Variants in H4C15 observed in about 807,000 individuals in gnomAD.
The protein encoded by H4C15 is histone H4.
the H4C15 span, chr1:149,846,530 T>C: frequency 1.3e-5 from 2 of 152,232 alleles, no homozygotes; most frequent in African/African-American, 4.8e-5. Flanking sequence ...CCCATTTTTT[T>C]ATTTTGAAAA....
At chr1:149,855,454 G>A (rs1417367807), downstream of H4C15, among the ~76,000 whole-genome samples, 16 of 133,006 alleles carry the variant, frequency 1.2e-4, no homozygotes, top group Non-Finnish European at 2.3e-4. Flanking sequence ...TAAGAGACAT[G>A]GCCACGTTTA....
At chr1:149,845,148 A>C in the H4C15 span, 4 of 152,366 alleles carry the variant, frequency 2.6e-5, no homozygotes, top group South Asian at 2.1e-4. Context: ...ATTACCTGTC[A>C]ATCGCTACTT....
the H4C15 span, chr1:149,845,162 C>T: frequency 6.6e-6 from 1 of 152,156 alleles, no homozygotes; most frequent in African/African-American, 2.4e-5. Context: ...GCTACTTTTC[C>T]TTTCTTACCA....
At chr1:149,858,649 AAGGGAGGGAGGG>A (rs1237422827), downstream of H4C15, among the ~76,000 whole-genome samples, 122 of 82,450 alleles carry the variant, frequency 1.5e-3, 2 homozygotes, top group South Asian at 6.3e-3. Flanking sequence ...GGAAGGAAGG[AAGGGAGGGAGGG>A]AGGGAGGGAG....
chr1:149,844,945 G>A, the H4C15 span: 1 of 152,198 alleles, frequency 6.6e-6, no homozygotes, highest in African/African-American at 2.4e-5. Flanking sequence ...GGGTGAGACA[G>A]AAAGACAACA....
At chr1:149,850,123 C>T (rs1264694436), downstream of H4C15, 10 of 518,000 alleles carry the variant, frequency 1.9e-5, no homozygotes, top group African/African-American at 1.9e-4. Context: ...CCTATCTATG[C>T]CATAGTAAGA....
chr1:149,845,632 A>G, the H4C15 span: 4 of 152,286 alleles, frequency 2.6e-5, no homozygotes, highest in African/African-American at 9.6e-5. Flanking sequence ...AAAGTTTTAC[A>G]GAGATCACGG....
chr1:149,845,136 A>C, the H4C15 span: 11 of 152,352 alleles, frequency 7.2e-5, no homozygotes, highest in African/African-American at 2.6e-4. Flanking sequence ...TAATGTAATT[A>C]TATTACCTGT....
downstream of H4C15, among the ~76,000 whole-genome samples, chr1:149,849,831 C>A (rs2092165287): frequency 2.0e-5 from 3 of 152,156 alleles, no homozygotes; most frequent in African/African-American, 7.2e-5. Flanking sequence ...TGTTTGTGAA[C>A]CAATGATATA....
At chr1:149,849,464 T>C (rs1447615082), downstream of H4C15, among the ~76,000 whole-genome samples, 5 of 152,270 alleles carry the variant, frequency 3.3e-5, no homozygotes, top group African/African-American at 4.8e-5. Flanking sequence ...GAGCAATCAG[T>C]ATAATATTTT....
the H4C15 span, chr1:149,845,674 TAA>T: frequency 6.6e-6 from 1 of 152,148 alleles, no homozygotes; most frequent in East Asian, 1.9e-4. Flanking sequence ...TGTAGGCCAT[TAA>T]GGAGCATCAC....
At chr1:149,845,266 CCACTG>C in the H4C15 span, 4 of 152,152 alleles carry the variant, frequency 2.6e-5, no homozygotes, top group African/African-American at 4.8e-5. Flanking sequence ...AGAAAAGAAA[CCACTG>C]CACATTCGGA....
At chr1:149,858,636 AAAGG>A (rs1295537457), downstream of H4C15, among the ~76,000 whole-genome samples, 567 of 83,924 alleles carry the variant, frequency 6.8e-3, 9 homozygotes, top group East Asian at 0.052. Context: ...GGGAAGGAAG[AAAGG>A]AAGGAAGGAA....
At chr1:149,845,212 C>T in the H4C15 span, 1 of 152,142 alleles carries the variant, frequency 6.6e-6, no homozygotes, top group Non-Finnish European at 1.5e-5. Flanking sequence ...CATTCAGGCT[C>T]CATTATGTGT....
At chr1:149,850,497 G>A (rs1553757668), downstream of H4C15, 4 of 826,444 alleles carry the variant, frequency 4.8e-6, no homozygotes, top group African/African-American at 1.8e-5. Flanking sequence ...CTGGATCTCC[G>A]GGACGTGATG....
chr1:149,849,720 T>C (rs1387876186), downstream of H4C15, among the ~76,000 whole-genome samples: 2 of 152,222 alleles, frequency 1.3e-5, no homozygotes, highest in African/African-American at 4.8e-5. Context: ...GTATCTCAAC[T>C]AGAAAGCGCA....
chr1:149,845,722 A>G, the H4C15 span: 1 of 152,262 alleles, frequency 6.6e-6, no homozygotes, highest in South Asian at 2.1e-4. Context: ...TAAATGAGAT[A>G]GAGTGCTCTT....
chr1:149,850,379 G>A (rs1227982779), downstream of H4C15: 4 of 733,612 alleles, frequency 5.5e-6, no homozygotes, highest in Non-Finnish European at 9.9e-6. Flanking sequence ...GCGAGCGCCA[G>A]GTCCCGGCAG....
the H4C15 span, chr1:149,846,778 T>C: frequency 6.6e-6 from 1 of 152,240 alleles, no homozygotes; most frequent in Admixed American, 6.5e-5. Context: ...ATCACATTAT[T>C]ACACCTAACA....
Sources: allele counts gnomAD v4.1 joint callset (sites outside exome capture counted in the v4.1 genomes callset), GRCh38; gene constraint gnomAD v4.1.1; transcripts MANE v1.5; gene names NCBI Gene and HGNC (gene_info 2026-07-23, HGNC 2026-07-21).